ABI1: variants seen among roughly 807,000 people sequenced by gnomAD.
ABI1 encodes the protein Abelson interactor 1.
Under a neutral mutation model 54.6 loss-of-function variants are expected in ABI1, and 14 were observed. The observed-to-expected ratio is 0.26, with a 90% CI of 0.17 to 0.40. The LOEUF is 0.40. Among genes scored for constraint, ABI1 ranks in the 10% least tolerant of loss-of-function variants. The pLI is 1.00. For synonymous variants in ABI1, 194 were observed against 209.3 expected (o/e 0.93, Z 0.63); for missense variants, 443 against 598.3 (o/e 0.74, Z 2.71).
chr10:26,801,512 A>G (rs1276412958), intron 2 of ABI1, among the ~76,000 whole-genome samples: 1 of 152,118 alleles, frequency 6.6e-6, no homozygotes, highest in Non-Finnish European at 1.5e-5. Context: ...ACGCCACTGC[A>G]GTCCAGCCTA....
At chr10:26,807,316 A>G (rs909879016) in intron 2 of ABI1, among the ~76,000 whole-genome samples, 3 of 152,112 alleles carry the variant, frequency 2.0e-5, no homozygotes, top group Non-Finnish European at 2.9e-5. Context: ...TCTACAAAAA[A>G]TACGAAAAAT....
intron 2 of ABI1, among the ~76,000 whole-genome samples, chr10:26,816,637 TAA>T (rs2047581197): frequency 6.6e-6 from 1 of 152,220 alleles, no homozygotes. Context: ...TCTTAAGAAA[TAA>T]AACCCTTTAA....
In ABI1 at chr10:26,746,625, A is replaced by G. The variant is rs763376343; in HGVS notation, c.*1945T>C. ...TGGGCAATTTATTTTTTTTTATTGC[A>G]AAAGTTTTTTCAGAAAACTTTTTAA... On this transcript the variant is annotated 3_prime_UTR_variant, in exon 11 of 11. Coordinates refer to ENST00000376140, the MANE Select transcript of ABI1 (RefSeq NM_001012750.3). 2.5e-6 allele frequency: 2 copies of G among 810,744 alleles called. No individual in the cohort carries two copies. Among genetic ancestry groups the G allele is most frequent in the Non-Finnish European group, 3.9e-6 (2 of 510,194 alleles). The allele number at this position is 810,744 out of a possible 1,614,324, so 50.2% of individuals were successfully genotyped here. A position where few individuals can be genotyped will look rare whatever the true frequency, so the allele number is the denominator to read the frequency against.
At chr10:26,770,195 CT>C in intron 5 of ABI1, 49 bp downstream of exon 5, 3 of 1,486,262 alleles carry the variant, frequency 2.0e-6, no homozygotes, top group Non-Finnish European at 2.8e-6. Context: ...ACAGAAACAT[CT>C]TTTCCTTTAG....
chr10:26,823,874 A>G (rs1393002881), intron 1 of ABI1, among the ~76,000 whole-genome samples: 1 of 152,160 alleles, frequency 6.6e-6, no homozygotes, highest in Non-Finnish European at 1.5e-5. Flanking sequence ...AAGAGGAGCA[A>G]GGTTAAAAGG....
At position 26,748,283 on chromosome 10, in the gene ABI1, A is replaced by G. The variant is rs540638333; in HGVS notation, c.*287T>C. On this transcript the variant is annotated 3_prime_UTR_variant, in exon 11 of 11. Transcript: ENST00000376140. ...TCTGAATCATGATTCGTTAAATATTATACCCCACTTCCCCCAGAATATTTA... is the reference window on the plus strand; with the variant it reads ...TCTGAATCATGATTCGTTAAATATTGTACCCCACTTCCCCCAGAATATTTA... The G allele has an allele frequency of 1.3e-3, 367 of 291,284 alleles. 1 individual carries two copies. The highest frequency in any genetic ancestry group is 7.3e-3 in the African/African-American group (347 of 47,414). The allele number at this position is 291,284 out of a possible 1,614,324, so 18.0% of individuals were successfully genotyped here.
At chr10:26,757,292 T>C (rs970698875) in intron 8 of ABI1, among the ~76,000 whole-genome samples, 1 of 152,178 alleles carries the variant, frequency 6.6e-6, no homozygotes, top group Non-Finnish European at 1.5e-5. Flanking sequence ...ATTTAAAATC[T>C]GAGGCCAAAT....
intron 10 of ABI1, among the ~76,000 whole-genome samples, chr10:26,751,366 T>C (rs1054356497): frequency 6.6e-6 from 1 of 151,404 alleles, no homozygotes; most frequent in Non-Finnish European, 1.5e-5. Context: ...GCTGAACGCA[T>C]ATGTAGTTTG....
intron 2 of ABI1, among the ~76,000 whole-genome samples, chr10:26,807,166 AAAAC>A (rs1014095994): frequency 6.6e-6 from 1 of 152,212 alleles, no homozygotes; most frequent in Non-Finnish European, 1.5e-5. Flanking sequence ...TAGAAAAGAA[AAAAC>A]AAACAAAAAA....
chr10:26,785,023 C>T (rs1351188826), intron 2 of ABI1, among the ~76,000 whole-genome samples: 1 of 152,128 alleles, frequency 6.6e-6, no homozygotes, highest in African/African-American at 2.4e-5. Flanking sequence ...GGGTCTTGGA[C>T]CCTGGGGAGC....
intron 1 of ABI1, among the ~76,000 whole-genome samples, chr10:26,835,538 G>A (rs2049006536): frequency 6.6e-6 from 1 of 151,612 alleles, no homozygotes; most frequent in African/African-American, 2.4e-5. Flanking sequence ...TCACACCACT[G>A]CATTTCAGCC....
chr10:26,834,031 A>AC (rs2048859961), intron 1 of ABI1, among the ~76,000 whole-genome samples: 1 of 152,082 alleles, frequency 6.6e-6, no homozygotes, highest in Non-Finnish European at 1.5e-5. Flanking sequence ...GAGTTTTGAG[A>AC]CCAGCCTGGC....
chr10:26,855,910 G>A (rs1234652222), intron 1 of ABI1, among the ~76,000 whole-genome samples: 1 of 148,078 alleles, frequency 6.8e-6, no homozygotes, highest in Non-Finnish European at 1.5e-5. Context: ...GGCGGAGATT[G>A]CAGTGAGCTG....
chr10:26,758,062 C>CT (rs1399701050), intron 8 of ABI1, among the ~76,000 whole-genome samples: 2 of 92,142 alleles, frequency 2.2e-5, no homozygotes, highest in South Asian at 4.3e-4. Context: ...GAGTGAAACT[C>CT]TGTCTCAAAA....
intron 2 of ABI1, among the ~76,000 whole-genome samples, chr10:26,820,864 G>A (rs999067169): frequency 6.6e-6 from 1 of 151,896 alleles, no homozygotes; most frequent in Non-Finnish European, 1.5e-5. Context: ...ACTATTTAGA[G>A]GGACATTTAC....
chr10:26,785,703 C>T (rs996650492), intron 2 of ABI1, among the ~76,000 whole-genome samples: 5 of 150,548 alleles, frequency 3.3e-5, no homozygotes, highest in African/African-American at 9.8e-5. Context: ...CTAGCCTGGG[C>T]GACAGAGTCA....
At chr10:26,834,129 G>A (rs1228311823) in intron 1 of ABI1, among the ~76,000 whole-genome samples, 1 of 151,958 alleles carries the variant, frequency 6.6e-6, no homozygotes, top group Non-Finnish European at 1.5e-5. Flanking sequence ...ACTCAGGAGG[G>A]TGAGGCAGGA....
chr10:26,854,123 G>A (rs966455300), intron 1 of ABI1, among the ~76,000 whole-genome samples: 3 of 152,096 alleles, frequency 2.0e-5, no homozygotes, highest in Non-Finnish European at 4.4e-5. Flanking sequence ...ACTGGAGAAC[G>A]CAGAAGCACA....
intron 2 of ABI1, among the ~76,000 whole-genome samples, chr10:26,778,886 C>T (rs1279299506): frequency 2.0e-5 from 3 of 152,180 alleles, no homozygotes; most frequent in African/African-American, 7.2e-5. Context: ...AATACTTTTT[C>T]TCTAATGTAC....
Sources: gnomAD v4.1 joint callset for allele counts (sites outside exome capture counted in the v4.1 genomes callset) on GRCh38, gnomAD v4.1.1 for gene constraint, MANE v1.5 for transcripts, NCBI Gene and HGNC (gene_info 2026-07-23, HGNC 2026-07-21) for gene names.